The following SMPD4 variants were observed in gnomAD, a reference collection of about 807,000 sequenced individuals.
SMPD4 encodes sphingomyelin phosphodiesterase 4, also known as neutral sphingomyelinase 3.
Under a neutral mutation model 97.8 loss-of-function variants are expected in SMPD4, and 58 were observed. The observed-to-expected ratio is 0.59, with a 90% CI of 0.48 to 0.74. The LOEUF (loss-of-function observed/expected upper bound fraction) is 0.74. Ranked by LOEUF, SMPD4 falls within the 30% of genes least tolerant of loss-of-function variation. The pLI is 0.00. For synonymous variants in SMPD4, 388 were observed against 450.0 expected, an observed-to-expected ratio of 0.86 and a Z score of 1.74; for missense variants, 853 against 1,080.5, an observed-to-expected ratio of 0.79 and a Z score of 2.95.
intron 1 of SMPD4, chr2:130,181,218 G>A: frequency 4.9e-6 from 6 of 1,220,022 alleles, no homozygotes; most frequent in Non-Finnish European, 6.2e-6. Flanking sequence ...CGCCTGTTGA[G>A]CCCAAGGCTC....
At chr2:130,166,060 G>A (rs938127971) in intron 9 of SMPD4, among the ~76,000 whole-genome samples, 3 of 151,846 alleles carry the variant, frequency 2.0e-5, no homozygotes, top group Non-Finnish European at 4.4e-5. Context: ...GGTGGCTCAC[G>A]CCTGTAATCC....
At position 130,157,050 on chromosome 2, in the gene SMPD4, GGAGA is replaced by G. The variant is rs551387222; in HGVS notation, c.1097+197_1097+200del. On this transcript the variant is annotated intron_variant, in intron 12 of 19. Coordinates refer to ENST00000680298, the MANE Select transcript of SMPD4 (RefSeq NM_017951.5). ...ACAATGGGGCCTCTCTGGCCAGTCT[GGAGA>G]GAGAGGCTCTGGGAGCCAACTGGGC... Among the ~76,000 whole-genome samples the G allele has an allele frequency of 2.2e-4, 33 of 152,236 alleles. No individual in the cohort carries two copies. In the South Asian group the frequency reaches 6.8e-3, roughly 32 times the overall value.
At chr2:130,171,123 A>G (rs1414056951) in intron 8 of SMPD4, among the ~76,000 whole-genome samples, 3 of 132,788 alleles carry the variant, frequency 2.3e-5, no homozygotes, top group Non-Finnish European at 4.6e-5. Context: ...CCATATATAT[A>G]TAATTTCTTT....
chr2:130,160,946 C>T (rs1687340398), intron 11 of SMPD4, among the ~76,000 whole-genome samples: 1 of 152,172 alleles, frequency 6.6e-6, no homozygotes, highest in Non-Finnish European at 1.5e-5. Context: ...ACAGCCAGGG[C>T]CACATGCCCA....
chr2:130,160,919 A>G (rs951239119), intron 11 of SMPD4, among the ~76,000 whole-genome samples: 3 of 152,128 alleles, frequency 2.0e-5, no homozygotes, highest in African/African-American at 4.8e-5. Flanking sequence ...TGACACCTCC[A>G]CTGGCCTGGA....
At chr2:130,162,939 A>C (rs909970864) in intron 10 of SMPD4, among the ~76,000 whole-genome samples, 1 of 152,206 alleles carries the variant, frequency 6.6e-6, no homozygotes, top group African/African-American at 2.4e-5. Flanking sequence ...AATGTGGGGA[A>C]GAAGGGAACT....
At position 130,173,365 on chromosome 2, in the gene SMPD4, A is replaced by C; in HGVS notation, c.270-11T>G. On this transcript the variant is annotated splice_polypyrimidine_tract_variant and intron_variant, in intron 4 of 19. Coordinates refer to ENST00000680298, the MANE Select transcript of SMPD4 (RefSeq NM_017951.5). ...TTCATCATTGGGCCACTGAACACGA[A>C]ATTGAACAAACAAACAAAAACAGGG... 1 of 1,611,332 alleles carries C rather than the reference A, an allele frequency of 6.2e-7. No homozygotes were observed. Among genetic ancestry groups the C allele is most frequent in the Non-Finnish European group, 8.5e-7 (1 of 1,179,058 alleles).
At position 130,181,513 on chromosome 2, in the gene SMPD4, C is replaced by T. The variant is rs1236509783; in HGVS notation, c.-46+17G>A. ...AGGGCGCCGGACCGTCTCAGGCGCGCATCCCGCGCCACTCACCTGTGGGAT... is the reference window on the plus strand; with the variant it reads ...AGGGCGCCGGACCGTCTCAGGCGCGTATCCCGCGCCACTCACCTGTGGGAT... On this transcript the variant is annotated intron_variant, in intron 1 of 19. Transcript: ENST00000680298. 2 of 1,596,362 alleles carry T rather than the reference C, an allele frequency of 1.3e-6. No individual in the cohort carries two copies. Among genetic ancestry groups the T allele is most frequent in the African/African-American group, 1.3e-5 (1 of 74,678 alleles).
In SMPD4 at chr2:130,173,602, C is replaced by T. The variant is rs1295854461; in HGVS notation, c.181G>A (p.Gly61Ser). The change falls in exon 4 of 20, where the codon GGT (glycine) becomes AGT (serine). Residue 61 changes from glycine to serine, a missense_variant. Transcript: ENST00000680298. ...CGGAGGTTCCAGCCAACGAGGACAC[C>T]ATCTAGGCTGCCAAAAATGCTTTCT... ...LVESIFGSLD[G>S]VLVGWNLRCL... 4.3e-6 allele frequency: 7 copies of T among 1,613,784 alleles called. No homozygotes were observed. Among genetic ancestry groups the T allele is most frequent in the Non-Finnish European group, 5.9e-6 (7 of 1,179,868 alleles).
At chr2:130,175,654 G>A (rs1461488348) in intron 2 of SMPD4, among the ~76,000 whole-genome samples, 3 of 152,206 alleles carry the variant, frequency 2.0e-5, no homozygotes, top group Non-Finnish European at 4.4e-5. Context: ...CTACCTAGTC[G>A]TGGGATGTGA....
At chr2:130,171,219 C>T (rs1688436258) in intron 8 of SMPD4, among the ~76,000 whole-genome samples, 1 of 151,582 alleles carries the variant, frequency 6.6e-6, no homozygotes, top group South Asian at 2.1e-4. Flanking sequence ...ATTCTCCCGC[C>T]TCAACCTCCT....
intron 1 of SMPD4, among the ~76,000 whole-genome samples, chr2:130,178,260 C>T (rs1338646981): frequency 6.6e-6 from 1 of 152,178 alleles, no homozygotes; most frequent in Non-Finnish European, 1.5e-5. Flanking sequence ...CTCACAACAA[C>T]CCGATGGGTA....
chr2:130,157,506 C>G lies in SMPD4; in HGVS notation c.952-110G>C. 7 of 1,532,722 alleles carry G rather than the reference C, an allele frequency of 4.6e-6. No homozygotes were observed. The South Asian group carries it at 7.5e-5, about 16-fold the overall frequency. The allele number at this position is 1,532,722 out of a possible 1,614,324, so 94.9% of individuals were successfully genotyped here. On this transcript the variant is annotated intron_variant, in intron 11 of 19. Coordinates refer to ENST00000680298, the MANE Select transcript of SMPD4 (RefSeq NM_017951.5). Reference sequence around the variant, plus strand: ...TGAGCCAGTTGCTCTGCTGCCCCCACGGGAGGCATGAGCCAGGCCAGGAGT... The same window carrying G: ...TGAGCCAGTTGCTCTGCTGCCCCCAGGGGAGGCATGAGCCAGGCCAGGAGT...
At chr2:130,179,406 C>G (rs1689279356) in intron 1 of SMPD4, among the ~76,000 whole-genome samples, 1 of 151,524 alleles carries the variant, frequency 6.6e-6, no homozygotes, top group African/African-American at 2.4e-5. Flanking sequence ...CAGGCATGAC[C>G]CACCGCGCCC....
At chr2:130,163,619 G>A (rs553596634) in intron 10 of SMPD4, among the ~76,000 whole-genome samples, 1 of 152,378 alleles carries the variant, frequency 6.6e-6, no homozygotes, top group South Asian at 2.1e-4. Context: ...CGTGGCTGAT[G>A]CCACTTCAGG....
chr2:130,164,305 G>C (rs570987129), intron 10 of SMPD4, 69 bp downstream of exon 10: 1 of 1,362,260 alleles, frequency 7.3e-7, no homozygotes, highest in East Asian at 2.3e-5. Context: ...CTCACTCAGA[G>C]GCAGGATAAG....
intron 11 of SMPD4, among the ~76,000 whole-genome samples, chr2:130,158,795 C>CCTTTGGG (rs1687098156): frequency 6.6e-6 from 1 of 152,122 alleles, no homozygotes; most frequent in South Asian, 2.1e-4. Flanking sequence ...GTCCCCTAGC[C>CCTTTGGG]CTTTGGGCCG....
chr2:130,172,727 G>T, intron 6 of SMPD4, 50 bp from the exon 7 acceptor site: 1 of 1,614,064 alleles, frequency 6.2e-7, no homozygotes, highest in Non-Finnish European at 8.5e-7. Context: ...GCCACCCCCC[G>T]CTCAGTGTCA....
At chr2:130,167,056 C>G (rs1320627401) in intron 9 of SMPD4, among the ~76,000 whole-genome samples, 1 of 152,010 alleles carries the variant, frequency 6.6e-6, no homozygotes, top group South Asian at 2.1e-4. Flanking sequence ...GAATCAGCCC[C>G]GGGCTGAGGG....
Sources: gnomAD v4.1 joint callset for allele counts (sites outside exome capture counted in the v4.1 genomes callset) on GRCh38, gnomAD v4.1.1 for gene constraint, MANE v1.5 for transcripts, NCBI Gene and HGNC (gene_info 2026-07-23, HGNC 2026-07-21) for gene names.